KCNN2: variants seen among roughly 807,000 people sequenced by gnomAD.
KCNN2 encodes the protein small conductance calcium-activated potassium channel protein 2.
KCNN2 carries 24 observed loss-of-function variants against 55.5 expected under a neutral mutation model. That is an observed-to-expected ratio of 0.43 (90% CI 0.31 to 0.61). KCNN2 has a LOEUF of 0.61. KCNN2 is among the 20% of genes least tolerant of loss of function. The pLI, the probability that KCNN2 is intolerant of heterozygous loss-of-function variation, is 0.08. For missense variants in KCNN2, 754 were observed against 853.6 expected (o/e 0.88, Z 1.45); for synonymous variants, 431 against 336.1 (o/e 1.28, Z -3.09).
At chr5:114,154,827 A>G (rs151197721) in intron 1 of KCNN2, among the ~76,000 whole-genome samples, 119 of 152,172 alleles carry the variant, frequency 7.8e-4, no homozygotes, top group African/African-American at 2.7e-3. Context: ...GACAATGGCT[A>G]TATTCTTACT....
At chr5:114,315,721 G>T (rs565920535) in intron 2 of KCNN2, among the ~76,000 whole-genome samples, 1 of 152,172 alleles carries the variant, frequency 6.6e-6, no homozygotes, top group East Asian at 1.9e-4. Flanking sequence ...TTATTGAAAT[G>T]ATGTGTTTAT....
At chr5:114,238,887 T>G (rs939811771) in intron 2 of KCNN2, among the ~76,000 whole-genome samples, 6 of 152,190 alleles carry the variant, frequency 3.9e-5, no homozygotes, top group Non-Finnish European at 7.3e-5. Flanking sequence ...ACAGTGTTCC[T>G]GATAATCTTT....
At chr5:114,069,156 A>T (rs1364771249) in intron 1 of KCNN2, among the ~76,000 whole-genome samples, 1 of 152,156 alleles carries the variant, frequency 6.6e-6, no homozygotes, top group Non-Finnish European at 1.5e-5. Flanking sequence ...TGATGCCAAG[A>T]TGTAGGAGTT....
At chr5:114,195,047 A>T (rs999739389) in intron 1 of KCNN2, among the ~76,000 whole-genome samples, 2 of 152,020 alleles carry the variant, frequency 1.3e-5, no homozygotes, top group East Asian at 3.9e-4. Flanking sequence ...TCATTGATCT[A>T]TAAGTCTATC....
At chr5:114,249,920 G>C (rs1371041243) in intron 2 of KCNN2, among the ~76,000 whole-genome samples, 1 of 152,142 alleles carries the variant, frequency 6.6e-6, no homozygotes, top group Non-Finnish European at 1.5e-5. Flanking sequence ...TACATGTTAT[G>C]AGAGTGGCTT....
intron 1 of KCNN2, among the ~76,000 whole-genome samples, chr5:114,126,921 C>G (rs1751945610): frequency 6.6e-6 from 1 of 152,116 alleles, no homozygotes; most frequent in African/African-American, 2.4e-5. Flanking sequence ...CCACGCAAGT[C>G]CAGAATCCAA....
At chr5:114,201,872 G>A (rs181505550) in intron 1 of KCNN2, among the ~76,000 whole-genome samples, 2 of 151,968 alleles carry the variant, frequency 1.3e-5, no homozygotes, top group Admixed American at 1.3e-4. Flanking sequence ...AGCCTTGTCA[G>A]CCCAATCTCA....
intron 3 of KCNN2, among the ~76,000 whole-genome samples, chr5:114,450,898 G>A (rs555283803): frequency 2.6e-5 from 4 of 152,224 alleles, no homozygotes; most frequent in Non-Finnish European, 5.9e-5. Flanking sequence ...AATTTTCTTA[G>A]CTTAGACCTA....
At chr5:114,213,255 A>G (rs1753926687) in intron 1 of KCNN2, among the ~76,000 whole-genome samples, 1 of 152,020 alleles carries the variant, frequency 6.6e-6, no homozygotes, top group African/African-American at 2.4e-5. Flanking sequence ...GATATTGCCC[A>G]TGAGTTTTTG....
At chr5:114,345,265 C>T (rs1195201747) in intron 2 of KCNN2, among the ~76,000 whole-genome samples, 1 of 152,126 alleles carries the variant, frequency 6.6e-6, no homozygotes, top group Non-Finnish European at 1.5e-5. Flanking sequence ...CATGTGTCAA[C>T]TTCCTGGTAC....
intron 3 of KCNN2, among the ~76,000 whole-genome samples, chr5:114,427,812 C>T (rs1759674468): frequency 6.6e-6 from 1 of 152,158 alleles, no homozygotes; most frequent in Non-Finnish European, 1.5e-5. Context: ...TTTTATTCTG[C>T]TTAATATTTT....
intron 1 of KCNN2, among the ~76,000 whole-genome samples, chr5:114,168,281 A>T (rs1271152838): frequency 6.6e-6 from 1 of 151,868 alleles, no homozygotes; most frequent in African/African-American, 2.4e-5. Context: ...TAGGATATTT[A>T]TCATTCTCTG....
chr5:114,361,301 C>T (rs960047189), upstream of KCNN2, among the ~76,000 whole-genome samples: 6 of 152,128 alleles, frequency 3.9e-5, no homozygotes, highest in African/African-American at 1.4e-4. Flanking sequence ...TAACCCTACC[C>T]GCGCCGCAGC....
At position 114,463,112 on chromosome 5, in the gene KCNN2, T is replaced by A; in HGVS notation, c.1701T>A (p.Thr567=). The part of the protein sequence containing the change: ...FLGAMWLISI[T]FLSIGYGDMV... ...GAGCGATGTGGTTGATATCAATAAC[T>A]TTTCTCTCCATTGGTTATGGTGACA... Residue 567 remains threonine (T), a synonymous_variant, in exon 4 of 8, where the codon ACT becomes ACA. Coordinates refer to ENST00000673685, the MANE Select transcript of KCNN2 (RefSeq NM_021614.4). The A allele has an allele frequency of 6.2e-7, 1 of 1,613,660 alleles. No homozygotes were observed. The highest frequency in any genetic ancestry group is 8.5e-7 in the Non-Finnish European group (1 of 1,179,618).
chr5:114,492,037 G>T (rs752099605), intron 6 of KCNN2, among the ~76,000 whole-genome samples: 1 of 152,060 alleles, frequency 6.6e-6, no homozygotes, highest in Non-Finnish European at 1.5e-5. Context: ...AATTAACTTC[G>T]TTCCAGCATT....
At chr5:114,170,179 C>G (rs997637122) in intron 1 of KCNN2, among the ~76,000 whole-genome samples, 13 of 152,092 alleles carry the variant, frequency 8.5e-5, no homozygotes, top group African/African-American at 3.1e-4. Context: ...TTGAGCTCAA[C>G]TGTCCTACTC....
chr5:114,486,862 G>A (rs1747576121), intron 5 of KCNN2, 188 bp from the exon 6 acceptor site: 1 of 1,155,980 alleles, frequency 8.7e-7, no homozygotes, highest in Non-Finnish European at 1.2e-6. Flanking sequence ...CAATTTAAGT[G>A]TTGTTCCCAG....
intron 1 of KCNN2, among the ~76,000 whole-genome samples, chr5:114,170,083 G>T (rs913663393): frequency 6.6e-6 from 1 of 151,960 alleles, no homozygotes; most frequent in Non-Finnish European, 1.5e-5. Flanking sequence ...ATAATTGATT[G>T]TCATTCAATA....
intron 2 of KCNN2, among the ~76,000 whole-genome samples, chr5:114,372,776 AT>A (rs1757801352): frequency 6.6e-6 from 1 of 151,984 alleles, no homozygotes; most frequent in Non-Finnish European, 1.5e-5. Context: ...GAAATTTTAT[AT>A]TCTCTTCATG....
Sources: allele counts gnomAD v4.1 joint callset (sites outside exome capture counted in the v4.1 genomes callset), GRCh38; gene constraint gnomAD v4.1.1; transcripts MANE v1.5; gene names NCBI Gene and HGNC (gene_info 2026-07-23, HGNC 2026-07-21).